Variants in ARL6IP6 observed in about 807,000 individuals in gnomAD.
ARL6IP6 encodes ADP-ribosylation factor-like protein 6-interacting protein 6.
Under a neutral mutation model 21.5 loss-of-function variants are expected in ARL6IP6, and 22 were observed. That is an observed-to-expected ratio of 1.02 (90% CI 0.73 to 1.46). The LOEUF is 1.46. Among genes scored for constraint, ARL6IP6 ranks in the 40% most tolerant of loss-of-function variants. The pLI is 0.00. For missense variants in ARL6IP6, 388 were observed against 299.8 expected (o/e 1.29, Z -2.17); for synonymous variants, 164 against 125.3 (o/e 1.31, Z -2.06).
intron 2 of ARL6IP6, among the ~76,000 whole-genome samples, chr2:152,730,538 T>C (rs1700259252): frequency 6.8e-6 from 1 of 146,888 alleles, no homozygotes. Flanking sequence ...AATCTTATAA[T>C]TTTTTTTTTT....
At position 152,754,876 on chromosome 2, in the gene ARL6IP6, G is replaced by GGGC. The variant is rs1701505254; in HGVS notation, c.588-4867_588-4865dup. On this transcript the variant is annotated intron_variant, in intron 3 of 3. Coordinates refer to ENST00000326446, the MANE Select transcript of ARL6IP6 (RefSeq NM_152522.7). ...CCTTATTGGCTATTTGTATGTATGT[G>GGGC]GGCGGCAAGCCACCCAGGTGCCAAG... Among the ~76,000 whole-genome samples the GGGC allele has an allele frequency of 2.0e-5, 3 of 151,840 alleles. No homozygotes were observed. The South Asian group carries it at 6.2e-4, about 32-fold the overall frequency.
At chr2:152,747,721 C>T (rs1017999382) in intron 3 of ARL6IP6, among the ~76,000 whole-genome samples, 1 of 151,672 alleles carries the variant, frequency 6.6e-6, no homozygotes, top group Non-Finnish European at 1.5e-5. Context: ...GATTACAGGC[C>T]ACCACACCCA....
intron 2 of ARL6IP6, among the ~76,000 whole-genome samples, chr2:152,728,514 T>G (rs1196087959): frequency 6.6e-6 from 1 of 152,212 alleles, no homozygotes; most frequent in Non-Finnish European, 1.5e-5. Context: ...TGAAAATATT[T>G]AGAGCATATA....
In ARL6IP6 at chr2:152,720,013, A is replaced by T. The variant is rs1041521456; in HGVS notation, c.401-520A>T. The T allele has an allele frequency of 8.8e-6, 4 of 452,830 alleles. No individual in the cohort carries two copies. The Admixed American group carries it at 1.0e-4, about 12-fold the overall frequency. The allele number at this position is 452,830 out of a possible 1,614,324, so 28.1% of individuals were successfully genotyped here. On this transcript the variant is annotated intron_variant, in intron 1 of 3. Transcript: ENST00000326446. ...TACCTCTTCATAAAATGGTAAACTGAATGTGCATAAAATGCAAGCTGTCAG... is the reference window on the plus strand; with the variant it reads ...TACCTCTTCATAAAATGGTAAACTGTATGTGCATAAAATGCAAGCTGTCAG...
intron 2 of ARL6IP6, among the ~76,000 whole-genome samples, chr2:152,722,610 T>C (rs1168449251): frequency 1.3e-5 from 2 of 152,090 alleles, no homozygotes; most frequent in Admixed American, 6.5e-5. Context: ...CTTAATAAGA[T>C]TGAGGTGATC....
chr2:152,717,664 T>A, upstream of ARL6IP6: 2 of 1,414,590 alleles, frequency 1.4e-6, no homozygotes, highest in Middle Eastern at 2.6e-4. Flanking sequence ...GGAGGAAGTT[T>A]CTGCGCCGAG....
intron 2 of ARL6IP6, among the ~76,000 whole-genome samples, chr2:152,724,125 AAAGAG>A (rs200389602): frequency 0.18 from 27,255 of 147,544 alleles, 3,121 homozygotes; most frequent in Non-Finnish European, 0.28. Flanking sequence ...AAAAAAAAAA[AAAGAG>A]AGAAAGCCAA....
chr2:152,759,356 A>G (rs1701727159), intron 3 of ARL6IP6, among the ~76,000 whole-genome samples: 2 of 152,226 alleles, frequency 1.3e-5, no homozygotes, highest in Admixed American at 1.3e-4. Flanking sequence ...GTCAAATCAA[A>G]GTAAGAACAG....
chr2:152,759,051 A>G (rs1701712946), intron 3 of ARL6IP6, among the ~76,000 whole-genome samples: 1 of 152,192 alleles, frequency 6.6e-6, no homozygotes, highest in Admixed American at 6.5e-5. Flanking sequence ...GGATAAGCAA[A>G]TAGTATTATT....
At chr2:152,719,346 A>T (rs936820354) in intron 1 of ARL6IP6, among the ~76,000 whole-genome samples, 1 of 152,200 alleles carries the variant, frequency 6.6e-6, no homozygotes, top group African/African-American at 2.4e-5. Flanking sequence ...CCCACCATTA[A>T]AAGGAGACAG....
At chr2:152,746,001 CTTTTTTTTTTTTTTTTTT>C (rs67760283) in intron 3 of ARL6IP6, among the ~76,000 whole-genome samples, 4 of 66,380 alleles carry the variant, frequency 6.0e-5, no homozygotes, top group African/African-American at 2.0e-4. Context: ...TGCTTTGTAC[CTTTTTTTTTTTTTTTTTT>C]TTTTTTTTTT....
At chr2:152,732,830 T>C (rs1210651493) in intron 2 of ARL6IP6, among the ~76,000 whole-genome samples, 2 of 152,180 alleles carry the variant, frequency 1.3e-5, no homozygotes, top group African/African-American at 4.8e-5. Context: ...GTAAATGTTA[T>C]GTAAATAGTT....
chr2:152,730,015 G>C (rs1183578453), intron 2 of ARL6IP6, among the ~76,000 whole-genome samples: 1 of 152,136 alleles, frequency 6.6e-6, no homozygotes, highest in Non-Finnish European at 1.5e-5. Context: ...ATTTGCAAAT[G>C]AATTAGGTAA....
At chr2:152,730,643 C>G (rs1700265879) in intron 2 of ARL6IP6, among the ~76,000 whole-genome samples, 1 of 152,078 alleles carries the variant, frequency 6.6e-6, no homozygotes, top group East Asian at 1.9e-4. Context: ...GGATACTGTG[C>G]CAGGATATTG....
At position 152,735,065 on chromosome 2, in the gene ARL6IP6, T is replaced by G; in HGVS notation, c.526T>G (p.Tyr176Asp). ...TTGCAGCTTTTCTTGGACAGTGACT[T>G]ACTTTGATTCTTTTGAACCAGGAAT... is the stretch of plus-strand genomic sequence containing the variant. ...SCCSFSWTVT[Y>D]FDSFEPGMFP... The change falls in exon 3 of 4, where the codon TAC becomes GAC. Residue 176 changes from tyrosine to aspartate, a missense_variant. Transcript: ENST00000326446. The G allele has an allele frequency of 2.5e-6, 4 of 1,613,606 alleles. No individual in the cohort carries two copies. The highest frequency in any genetic ancestry group is 3.4e-6 in the Non-Finnish European group (4 of 1,179,582).
At chr2:152,755,002 C>G (rs1233623495) in intron 3 of ARL6IP6, among the ~76,000 whole-genome samples, 1 of 151,996 alleles carries the variant, frequency 6.6e-6, no homozygotes, top group Admixed American at 6.6e-5. Context: ...ATATGAATAT[C>G]ATTAATCATT....
chr2:152,736,538 T>A (rs555247240), intron 3 of ARL6IP6, among the ~76,000 whole-genome samples: 1 of 152,330 alleles, frequency 6.6e-6, no homozygotes, highest in South Asian at 2.1e-4. Context: ...CCTGACTTTT[T>A]AAATGTCATT....
chr2:152,719,676 A>C (rs1186810558), intron 1 of ARL6IP6, among the ~76,000 whole-genome samples: 2 of 150,170 alleles, frequency 1.3e-5, no homozygotes, highest in Non-Finnish European at 3.0e-5. Context: ...TGGCTAGTGT[A>C]TATTATAGTG....
At chr2:152,742,114 T>C (rs1393430663) in intron 3 of ARL6IP6, among the ~76,000 whole-genome samples, 2 of 152,202 alleles carry the variant, frequency 1.3e-5, no homozygotes, top group Non-Finnish European at 2.9e-5. Context: ...TGTCTGGGTT[T>C]TGTGAGTGAT....
Sources: gnomAD v4.1 joint callset for allele counts (sites outside exome capture counted in the v4.1 genomes callset) on GRCh38, gnomAD v4.1.1 for gene constraint, MANE v1.5 for transcripts, NCBI Gene and HGNC (gene_info 2026-07-23, HGNC 2026-07-21) for gene names.